SLC2A8: variants seen among roughly 807,000 people sequenced by gnomAD.
SLC2A8 encodes solute carrier family 2, facilitated glucose transporter member 8.
A neutral mutation model predicts 49.2 loss-of-function variants in SLC2A8; 53 were observed. The ratio of observed to expected loss-of-function variants is 1.08; its 90% confidence interval spans 0.86 to 1.35. The LOEUF is 1.35. Among genes scored for constraint, SLC2A8 ranks in the 40% most tolerant of loss-of-function variants. SLC2A8 has a pLI of 0.00. For synonymous variants in SLC2A8, 299 were observed against 297.0 expected (o/e 1.01, Z -0.07); for missense variants, 688 against 671.7 (o/e 1.02, Z -0.27).
rs561530418 is a variant in SLC2A8, at chr9:127,407,342, C to T, written c.*93C>T. On this transcript the variant is annotated 3_prime_UTR_variant, in exon 10 of 10. Coordinates refer to ENST00000373371, the MANE Select transcript of SLC2A8 (RefSeq NM_014580.5). ...TGCCCCAGGGGAGCCAGAATCCAGC[C>T]CCTTGGAGCCTTGGTCTGCAGGGTC... The T allele has an allele frequency of 4.6e-6, 7 of 1,511,680 alleles. No individual in the cohort carries two copies. Among genetic ancestry groups the T allele is most frequent in the Non-Finnish European group, 5.5e-6 (6 of 1,091,132 alleles). 93.6% of individuals were successfully genotyped at this position (1,511,680 alleles called of 1,614,324 possible).
At chr9:127,404,287 C>G (rs766685961) in intron 7 of SLC2A8, 7 of 471,276 alleles carry the variant, frequency 1.5e-5, no homozygotes, top group Non-Finnish European at 2.6e-5. Context: ...GTGAACCCAC[C>G]AGAAGGCACT....
At chr9:127,397,834 C>T (rs1234643904) in intron 2 of SLC2A8, 71 bp from the exon 3 acceptor site, 7 of 1,377,090 alleles carry the variant, frequency 5.1e-6, no homozygotes, top group South Asian at 3.0e-5. Context: ...TCTGAGCCCG[C>T]GGGGAGTGGG....
At position 127,402,782 on chromosome 9, in the gene SLC2A8, G is replaced by T. The variant is rs1477595022; in HGVS notation, c.723+29G>T. ...AGAGGCTGGAAGGCAGAGCTGACAG[G>T]AGTGGGACAGCAGTCACGGGAGGGT... On this transcript the variant is annotated intron_variant, in intron 5 of 9. Transcript: ENST00000373371. 3 of 1,508,854 alleles carry T rather than the reference G, an allele frequency of 2.0e-6. No individual in the cohort carries two copies. The South Asian group carries it at 3.8e-5, about 19-fold the overall frequency. 93.5% of individuals were successfully genotyped at this position (1,508,854 alleles called of 1,614,324 possible).
chr9:127,402,902 T>C, intron 5 of SLC2A8, 149 bp downstream of exon 5: 1 of 1,062,020 alleles, frequency 9.4e-7, no homozygotes, highest in Non-Finnish European at 1.3e-6. Flanking sequence ...GCCCAGTGTG[T>C]CCTGTCTTTG....
At position 127,403,690 on chromosome 9, in the gene SLC2A8, G is replaced by T. The variant is rs149746079; in HGVS notation, c.754G>T (p.Gly252Cys). 3.7e-6 allele frequency: 6 copies of T among 1,612,878 alleles called. No individual in the cohort carries two copies. The East Asian group carries it at 6.7e-5, about 18-fold the overall frequency. The change falls in exon 6 of 10, where the codon GGC (glycine) becomes TGC (cysteine). Residue 252 changes from glycine to cysteine, a missense_variant. Coordinates refer to ENST00000373371, the MANE Select transcript of SLC2A8 (RefSeq NM_014580.5). Reference protein sequence around the residue: ...SFHLALLRQPGIYKPFIIGVS... With the variant: ...SFHLALLRQPCIYKPFIIGVS... The stretch of plus-strand genomic sequence containing the variant: ...TCACCTGGCCCTGCTGCGGCAGCCC[G>T]GCATCTACAAGCCCTTCATCATCGG...
rs541632354 is a variant in SLC2A8 at position 127,397,455 on chromosome 9, T to C, written c.136T>C (p.Tyr46His). ...GPLSFGFALG[Y>H]SSPAIPSLQR... Reference sequence around the variant, plus strand: ...ACTCAGCTTCGGCTTCGCGCTCGGCTACAGCTCCCCGGCCATCCCTAGCCT... The same window carrying C: ...ACTCAGCTTCGGCTTCGCGCTCGGCCACAGCTCCCCGGCCATCCCTAGCCT... Residue 46 changes from tyrosine (Y) to histidine (H), a missense_variant, in exon 2 of 10, where the codon TAC becomes CAC. By Grantham distance (83) the Tyr-to-His change is moderately conservative. Coordinates refer to ENST00000373371, the MANE Select transcript of SLC2A8 (RefSeq NM_014580.5). 229 of 1,487,738 alleles carry C rather than the reference T, an allele frequency of 1.5e-4. No homozygotes were observed. Among genetic ancestry groups the C allele is most frequent in the Non-Finnish European group, 2.0e-4 (226 of 1,127,336 alleles). The allele number at this position is 1,487,738 out of a possible 1,614,324, so 92.2% of individuals were successfully genotyped here. A position where few individuals can be genotyped will look rare whatever the true frequency, so the allele number is the denominator to read the frequency against.
chr9:127,397,516 A>G lies in SLC2A8; in HGVS notation c.197A>G (p.Asp66Gly). The G allele has an allele frequency of 7.0e-7, 1 of 1,429,174 alleles. No homozygotes were observed. Among genetic ancestry groups the G allele is most frequent in the Non-Finnish European group, 9.1e-7 (1 of 1,102,504 alleles). The allele number at this position is 1,429,174 out of a possible 1,614,324, so 88.5% of individuals were successfully genotyped here. The change falls in exon 2 of 10, where the codon GAC becomes GGC. Residue 66 changes from aspartate (D) to glycine (G), a missense_variant. Transcript: ENST00000373371. Reference protein sequence around the residue: ...RAAPPAPRLDDAAASWFGAVV... With the variant: ...RAAPPAPRLDGAAASWFGAVV... ...GCGCCCCCGGCCCCGCGCCTGGACG[A>G]CGCCGCCGCCTCCTGGTTCGGGGTG...
At chr9:127,405,116 C>T in intron 8 of SLC2A8, 125 bp downstream of exon 8, 6 of 1,074,672 alleles carry the variant, frequency 5.6e-6, no homozygotes, top group Non-Finnish European at 7.9e-6. Flanking sequence ...CCAAGCTCTG[C>T]ATTTCTAGCT....
At position 127,405,509 on chromosome 9, in the gene SLC2A8, G is replaced by C; in HGVS notation, c.1240G>C (p.Val414Leu). ...CAAGGGCGTGGCGACAGGCATCTGC[G>C]TCCTCACCAACTGGCTCATGGCCTT... ...HVKGVATGICVLTNWLMAFLV... is the reference protein window; with the variant it reads ...HVKGVATGICLLTNWLMAFLV... Residue 414 changes from valine to leucine, a missense_variant, in exon 9 of 10, where the codon GTC becomes CTC. Coordinates refer to ENST00000373371, the MANE Select transcript of SLC2A8 (RefSeq NM_014580.5). 1 of 1,613,216 alleles carries C rather than the reference G, an allele frequency of 6.2e-7. No individual in the cohort carries two copies. Among genetic ancestry groups the C allele is most frequent in the African/African-American group, 1.3e-5 (1 of 75,072 alleles).
intron 3 of SLC2A8, 149 bp downstream of exon 3, chr9:127,398,260 C>T (rs920000917): frequency 1.3e-5 from 11 of 842,952 alleles, no homozygotes; most frequent in Admixed American, 3.4e-5. Context: ...CTCGCGGTCC[C>T]TCCCGTCGAC....
rs776493337 is a variant in SLC2A8 at position 127,399,142 on chromosome 9, C to T, written c.427-765C>T. 6.6e-6 allele frequency among the ~76,000 whole-genome samples: 1 copy of T among 152,160 alleles called. No individual in the cohort carries two copies. Among genetic ancestry groups the T allele is most frequent in the African/African-American group, 2.4e-5 (1 of 41,418 alleles). On this transcript the variant is annotated intron_variant, in intron 3 of 9. Coordinates refer to ENST00000373371, the MANE Select transcript of SLC2A8 (RefSeq NM_014580.5). This position sits in a 1 kb window ranked among gnomAD's most constrained non-coding sequence, Gnocchi z 4.2. ...GCTAGTGGCAGCCACTGGTAGTGAC[C>T]GAGGCAGAGAGTTCGTGCTTCTAGT...
Position 127,397,372 on chromosome 9 carries a change from C to G in SLC2A8, c.57-4C>G, listed in dbSNP as rs565586894. On this transcript the variant is annotated splice_region_variant and splice_polypyrimidine_tract_variant and intron_variant, in intron 1 of 9. Coordinates refer to ENST00000373371, the MANE Select transcript of SLC2A8 (RefSeq NM_014580.5). ...TCCGCTCACCCTCGGCCCTGTCCCC[C>G]CAGCGCGCCCCGCGGCCGCCGCGTC... 286 of 1,463,338 alleles carry G rather than the reference C, an allele frequency of 2.0e-4. 1 individual carries two copies. In the African/African-American group the frequency reaches 2.9e-3, roughly 15 times the overall value. The allele number at this position is 1,463,338 out of a possible 1,614,324, so 90.6% of individuals were successfully genotyped here.
chr9:127,402,425 C>T (rs1295273018), intron 4 of SLC2A8, 132 bp from the exon 5 acceptor site: 1 of 1,335,776 alleles, frequency 7.5e-7, no homozygotes, highest in Non-Finnish European at 9.8e-7. Context: ...ATGGCAATGT[C>T]AGTAGCGAAC....
At position 127,404,887 on chromosome 9, in the gene SLC2A8, ACTC is replaced by A. The variant is rs772996961; in HGVS notation, c.1050_1052del (p.Ser351del). 1.9e-5 allele frequency: 30 copies of A among 1,611,680 alleles called. No homozygotes were observed. Among genetic ancestry groups the A allele is most frequent in the Non-Finnish European group, 2.5e-5 (30 of 1,179,572 alleles). The stretch of plus-strand genomic sequence containing the variant: ...AAGCTGACCCAGGGTGGCCCTGGCA[ACTC>A]CTCGCACGTGGCCATCTCGGCGCCT... On this transcript the variant is annotated inframe_deletion, in exon 8 of 10. Coordinates refer to ENST00000373371, the MANE Select transcript of SLC2A8 (RefSeq NM_014580.5).
In SLC2A8 at chr9:127,405,110, G is replaced by T. The variant is rs1285827744; in HGVS notation, c.1150+119G>T. The T allele has an allele frequency of 1.2e-5, 14 of 1,163,610 alleles. No homozygotes were observed. In the East Asian group the frequency reaches 3.2e-4, roughly 27 times the overall value. 72.1% of individuals were successfully genotyped at this position (1,163,610 alleles called of 1,614,324 possible). A position where few individuals can be genotyped will look rare whatever the true frequency, so the allele number is the denominator to read the frequency against. On this transcript the variant is annotated intron_variant, in intron 8 of 9. Transcript: ENST00000373371. Reference sequence around the variant, plus strand: ...TCACCTCTCCTCTCGTAAGTTCCAAGCTCTGCATTTCTAGCTCTGACCACA... The same window carrying T: ...TCACCTCTCCTCTCGTAAGTTCCAATCTCTGCATTTCTAGCTCTGACCACA...
chr9:127,401,934 G>A (rs1413621127), intron 4 of SLC2A8, among the ~76,000 whole-genome samples: 1 of 152,206 alleles, frequency 6.6e-6, no homozygotes, highest in Non-Finnish European at 1.5e-5. Flanking sequence ...GGGCCCCTTT[G>A]TAAGAGAACC....
At chr9:127,404,100 A>G in intron 7 of SLC2A8, 33 bp downstream of exon 7, 9 of 1,514,118 alleles carry the variant, frequency 5.9e-6, no homozygotes, top group Non-Finnish European at 7.2e-6. Flanking sequence ...CCTCCCCGCC[A>G]TGCGGGGGAG....
At chr9:127,404,555 AG>A (rs2131906212) in intron 7 of SLC2A8, 1 of 479,140 alleles carries the variant, frequency 2.1e-6, no homozygotes, top group East Asian at 3.5e-5. Flanking sequence ...GTCGGGGCTG[AG>A]GGTTACTCGC....
intron 8 of SLC2A8, among the ~76,000 whole-genome samples, 192 bp downstream of exon 8, chr9:127,405,183 T>C (rs1833447054): frequency 6.6e-6 from 1 of 152,190 alleles, no homozygotes. Context: ...CTTAATCCCC[T>C]GAGCAGCCCT....
Sources: allele counts gnomAD v4.1 joint callset (sites outside exome capture counted in the v4.1 genomes callset), GRCh38; gene constraint gnomAD v4.1.1; non-coding constraint Gnocchi (gnomAD v3.1); transcripts MANE v1.5; gene names NCBI Gene and HGNC (gene_info 2026-07-23, HGNC 2026-07-21).